The following LMLN variants were observed in gnomAD, a reference collection of about 807,000 sequenced individuals.
LMLN encodes the protein leishmanolysin like peptidase.
In LMLN, 70 loss-of-function variants were observed where a neutral mutation model predicts 92.3. The ratio of observed to expected loss-of-function variants is 0.76; its 90% confidence interval spans 0.63 to 0.92. LMLN has a LOEUF of 0.92. Among genes scored for constraint, LMLN ranks in the 40% least tolerant of loss-of-function variants. The probability of loss-of-function intolerance (pLI) is 0.00; values close to 1 mark genes in which losing one functional copy is unlikely to be tolerated. For synonymous variants in LMLN, 308 were observed against 296.2 expected (o/e 1.04, Z -0.41); for missense variants, 691 against 814.6 (o/e 0.85, Z 1.85).
chr3:197,992,311 G>A (rs1293406554), intron 9 of LMLN, among the ~76,000 whole-genome samples: 2 of 152,080 alleles, frequency 1.3e-5, no homozygotes, highest in African/African-American at 4.8e-5. Context: ...CAGGTGATCC[G>A]TGCGCCTTGG....
chr3:198,019,153 A>G lies in LMLN; in HGVS notation c.1233-100A>G. On this transcript the variant is annotated intron_variant, in intron 11 of 15. Transcript: ENST00000330198. The surrounding 1 kb of genome is among the most constrained non-coding windows in gnomAD (Gnocchi z 5.5). Reference sequence around the variant, plus strand: ...CCATTTGTTAATTATGAAGGTTTGTATTTTTAGGCCAGGATCTGGAATTCC... The same window carrying G: ...CCATTTGTTAATTATGAAGGTTTGTGTTTTTAGGCCAGGATCTGGAATTCC... The G allele has an allele frequency of 8.3e-7, 1 of 1,206,934 alleles. No individual in the cohort carries two copies. Among genetic ancestry groups the G allele is most frequent in the Non-Finnish European group, 1.2e-6 (1 of 868,316 alleles). 74.8% of individuals were successfully genotyped at this position (1,206,934 alleles called of 1,614,324 possible).
intron 14 of LMLN, among the ~76,000 whole-genome samples, chr3:198,029,624 G>C (rs1460384064): frequency 6.6e-6 from 1 of 152,116 alleles, no homozygotes; most frequent in Non-Finnish European, 1.5e-5. Flanking sequence ...AGTGAGCCAA[G>C]ATCGCACCAC....
chr3:197,973,851 A>G (rs898694893), intron 1 of LMLN, among the ~76,000 whole-genome samples: 8 of 152,142 alleles, frequency 5.3e-5, no homozygotes, highest in African/African-American at 1.9e-4. Flanking sequence ...AGCTAACACA[A>G]TTTTTTCTTT....
chr3:197,987,832 CG>C (rs1435368275), intron 8 of LMLN, among the ~76,000 whole-genome samples: 1 of 152,022 alleles, frequency 6.6e-6, no homozygotes, highest in African/African-American at 2.4e-5. Context: ...TTATCAGTAT[CG>C]GATATTATAG....
chr3:198,013,606 T>C (rs1489225505), intron 11 of LMLN, among the ~76,000 whole-genome samples: 2 of 127,668 alleles, frequency 1.6e-5, no homozygotes, highest in African/African-American at 8.0e-5. Context: ...GTCTGACTTC[T>C]CTGTACCCTT....
intron 1 of LMLN, among the ~76,000 whole-genome samples, chr3:197,965,417 T>C (rs1721029069): frequency 6.6e-6 from 1 of 152,082 alleles, no homozygotes; most frequent in Non-Finnish European, 1.5e-5. Context: ...TTTTATTTTA[T>C]TGTTTTAGAG....
At chr3:198,010,392 G>T (rs1722400849) in intron 11 of LMLN, among the ~76,000 whole-genome samples, 1 of 151,978 alleles carries the variant, frequency 6.6e-6, no homozygotes, top group Non-Finnish European at 1.5e-5. Flanking sequence ...CAAGTGATCT[G>T]CATGCCTTGG....
chr3:197,982,143 C>A (rs1178221289), intron 6 of LMLN, among the ~76,000 whole-genome samples: 1 of 151,972 alleles, frequency 6.6e-6, no homozygotes, highest in Admixed American at 6.6e-5. Context: ...ATGTTTAACA[C>A]CTCAGCAGTG....
rs1723417397 is a variant in LMLN at position 198,041,924 on chromosome 3, T to A, written c.*3257T>A. The stretch of plus-strand genomic sequence containing the variant: ...ATACTTGAAATATATTTTTGCTTTA[T>A]TTTTTATTGATATAATTATATTTGC... On this transcript the variant is annotated 3_prime_UTR_variant, in exon 16 of 16. Transcript: ENST00000330198. 2.6e-5 allele frequency: 4 copies of A among 152,298 alleles called. No individual in the cohort carries two copies. In the Middle Eastern group the frequency reaches 0.01, roughly 389 times the overall value. The allele number at this position is 152,298 out of a possible 1,614,324, so 9.4% of individuals were successfully genotyped here.
At chr3:197,978,202 C>G (rs1342266411) in intron 5 of LMLN, among the ~76,000 whole-genome samples, 1 of 152,150 alleles carries the variant, frequency 6.6e-6, no homozygotes, top group Non-Finnish European at 1.5e-5. Flanking sequence ...AGTATACACA[C>G]GTTAATTCTG....
At chr3:197,997,417 A>T (rs1488792156) in intron 10 of LMLN, among the ~76,000 whole-genome samples, 3 of 152,208 alleles carry the variant, frequency 2.0e-5, no homozygotes, top group Non-Finnish European at 4.4e-5. Flanking sequence ...ACGGGCATGC[A>T]TTCCGCACCT....
At chr3:198,028,925 G>A (rs752376372) in intron 14 of LMLN, among the ~76,000 whole-genome samples, 2 of 152,174 alleles carry the variant, frequency 1.3e-5, no homozygotes, top group Non-Finnish European at 2.9e-5. Context: ...TTAAAGAGTC[G>A]TTCTTAGTAT....
At chr3:197,969,354 T>C (rs987999053) in intron 1 of LMLN, among the ~76,000 whole-genome samples, 4 of 152,198 alleles carry the variant, frequency 2.6e-5, no homozygotes, top group African/African-American at 4.8e-5. Context: ...TTTAAAGCTA[T>C]CAGTTTCCTC....
At chr3:198,000,581 C>T (rs1035734434) in intron 11 of LMLN, among the ~76,000 whole-genome samples, 12 of 152,148 alleles carry the variant, frequency 7.9e-5, no homozygotes, top group Non-Finnish European at 8.8e-5. Context: ...GCGTGCATCA[C>T]CACACCCAGC....
chr3:197,978,198 C>T (rs181014831), intron 5 of LMLN, among the ~76,000 whole-genome samples: 35 of 152,218 alleles, frequency 2.3e-4, no homozygotes, highest in Admixed American at 5.2e-4. Flanking sequence ...TGGAAGTATA[C>T]ACACGTTAAT....
chr3:197,990,800 T>C, intron 9 of LMLN, 124 bp downstream of exon 9: 2 of 557,704 alleles, frequency 3.6e-6, no homozygotes, highest in East Asian at 2.8e-5. Context: ...AAAAGTCATA[T>C]AAAGGGAATG....
chr3:197,996,838 T>C lies in LMLN; in HGVS notation c.1155+556T>C, dbSNP rs181683678. On this transcript the variant is annotated intron_variant, in intron 10 of 15. Coordinates refer to ENST00000330198, the Ensembl canonical transcript of LMLN. ...GGCTGGAGTGCTGCAGCTATTCACA[T>C]GCATGATCATAGCACACTACAGCCT... Among the ~76,000 whole-genome samples, 36 of 152,244 alleles carry C rather than the reference T, an allele frequency of 2.4e-4. No individual in the cohort carries two copies. In the East Asian group the frequency reaches 4.4e-3, roughly 19 times the overall value.
chr3:197,975,666 T>C (rs1273014231), intron 3 of LMLN, among the ~76,000 whole-genome samples: 2 of 152,238 alleles, frequency 1.3e-5, no homozygotes, highest in African/African-American at 2.4e-5. Context: ...TTCATAGTAA[T>C]CTAGATTAAT....
At chr3:198,032,857 C>T (rs551951118) in intron 14 of LMLN, among the ~76,000 whole-genome samples, 1 of 152,172 alleles carries the variant, frequency 6.6e-6, no homozygotes, top group Non-Finnish European at 1.5e-5. Context: ...ACGAACTGGT[C>T]CAGCTGGTCG....
Sources: allele counts gnomAD v4.1 joint callset (sites outside exome capture counted in the v4.1 genomes callset), GRCh38; gene constraint gnomAD v4.1.1; non-coding constraint Gnocchi (gnomAD v3.1); transcripts MANE v1.5; gene names NCBI Gene and HGNC (gene_info 2026-07-23, HGNC 2026-07-21).